Variants in CROT observed in about 807,000 individuals in gnomAD.
CROT encodes carnitine O-octanoyltransferase.
Under a neutral mutation model 89.2 loss-of-function variants are expected in CROT, and 84 were observed. The observed-to-expected ratio is 0.94, with a 90% CI of 0.79 to 1.13. CROT has a LOEUF of 1.13. CROT is among the 50% of genes most tolerant of loss of function. CROT has a pLI of 0.00. For missense variants in CROT, 711 were observed against 727.8 expected (o/e 0.98, Z 0.27); for synonymous variants, 212 against 239.5 (o/e 0.89, Z 1.06).
At chr7:87,369,235 T>C in intron 6 of CROT, 141 bp from the exon 7 acceptor site, 1 of 518,662 alleles carries the variant, frequency 1.9e-6, no homozygotes, top group Non-Finnish European at 3.5e-6. Flanking sequence ...TAATACATTA[T>C]TTTTGTTATG....
chr7:87,354,109 G>A (rs1311233237), intron 3 of CROT, among the ~76,000 whole-genome samples: 2 of 152,186 alleles, frequency 1.3e-5, no homozygotes, highest in Non-Finnish European at 1.5e-5. Flanking sequence ...GATCAAAACA[G>A]AAGCAGAGGT....
chr7:87,368,502 C>A (rs933955504), intron 6 of CROT, among the ~76,000 whole-genome samples: 10 of 152,166 alleles, frequency 6.6e-5, no homozygotes, highest in African/African-American at 2.4e-4. Context: ...TCCCCTAGGT[C>A]TTGAGGAAAT....
At chr7:87,381,857 C>T (rs1319095778) in intron 10 of CROT, 53 bp from the exon 11 acceptor site, 3 of 1,261,364 alleles carry the variant, frequency 2.4e-6, no homozygotes, top group Non-Finnish European at 3.4e-6. Context: ...AATATTGGGT[C>T]AAGTTTTAAG....
At chr7:87,382,260 A>G (rs1807035741) in intron 12 of CROT, 79 bp downstream of exon 12, 1 of 1,425,966 alleles carries the variant, frequency 7.0e-7, no homozygotes. Context: ...CTGTCATCCA[A>G]GCATGTCTGC....
At chr7:87,375,409 T>G in intron 7 of CROT, 1 of 461,454 alleles carries the variant, frequency 2.2e-6, no homozygotes, top group Non-Finnish European at 3.8e-6. Flanking sequence ...ATAACTAAAT[T>G]TATTTACTGA....
intron 17 of CROT, among the ~76,000 whole-genome samples, chr7:87,394,718 G>A (rs1807469292): frequency 6.6e-6 from 1 of 152,068 alleles, no homozygotes; most frequent in Admixed American, 6.6e-5. Context: ...GCTATAAAAA[G>A]GCATACCTAT....
Position 87,359,186 on chromosome 7 carries a change from T to C in CROT, c.116-20T>C. 2 of 1,490,548 alleles carry C rather than the reference T, an allele frequency of 1.3e-6. No homozygotes were observed. Among genetic ancestry groups the C allele is most frequent in the South Asian group, 1.2e-5 (1 of 85,324 alleles). The allele number at this position is 1,490,548 out of a possible 1,614,324, so 92.3% of individuals were successfully genotyped here. A position where few individuals can be genotyped will look rare whatever the true frequency, so the allele number is the denominator to read the frequency against. ...GTGGTACTTGGTCTAAATACCTTAA[T>C]ACGTATTTTTCCTTTCTAGTGAAAC... On this transcript the variant is annotated intron_variant, in intron 3 of 17. Transcript: ENST00000331536.
chr7:87,391,031 A>AG (rs909927745), intron 13 of CROT, among the ~76,000 whole-genome samples: 15 of 152,286 alleles, frequency 9.8e-5, no homozygotes, highest in African/African-American at 3.1e-4. Context: ...TGCTCTCCTG[A>AG]GGGTAGGTCC....
chr7:87,351,308 C>CAAAAAAAAAAAAAAAAAA (rs11295263), intron 3 of CROT, among the ~76,000 whole-genome samples: 1 of 67,526 alleles, frequency 1.5e-5, no homozygotes, highest in Non-Finnish European at 2.7e-5. Flanking sequence ...GACTCCATCT[C>CAAAAAAAAAAAAAAAAAA]AAAAAAAAAA....
Position 87,375,899 on chromosome 7 carries a change from G to A in CROT, c.822G>A (p.Leu274=), listed in dbSNP as rs905632072. The change falls in exon 9 of 18, where the codon CTG becomes CTA. Residue 274 remains leucine, a synonymous_variant. Coordinates refer to ENST00000331536, the MANE Select transcript of CROT (RefSeq NM_021151.4). ...TAGAAAAAATTCAGAGTAGTTTACTGGTATATTCCATGGAGGATAGCAGTC... is the reference window on the plus strand; with the variant it reads ...TAGAAAAAATTCAGAGTAGTTTACTAGTATATTCCATGGAGGATAGCAGTC... ...ALLEKIQSSL[L]VYSMEDSSPH... 16 of 1,613,060 alleles carry A rather than the reference G, an allele frequency of 9.9e-6. No individual in the cohort carries two copies. Among genetic ancestry groups the A allele is most frequent in the Non-Finnish European group, 1.4e-5 (16 of 1,179,328 alleles).
intron 13 of CROT, among the ~76,000 whole-genome samples, chr7:87,386,593 C>A (rs1807190320): frequency 6.6e-6 from 1 of 151,974 alleles, no homozygotes; most frequent in African/African-American, 2.4e-5. Flanking sequence ...TTTATCTTGT[C>A]AAAAAATTGA....
chr7:87,346,272 T>C (rs1041443492), intron 1 of CROT, 68 bp from the exon 2 acceptor site: 3 of 152,280 alleles, frequency 2.0e-5, no homozygotes, highest in African/African-American at 7.2e-5. Flanking sequence ...TTCCACCTTC[T>C]TTCACTAGCT....
rs114840853 is a variant in CROT at position 87,395,399 on chromosome 7, A to G, written c.1718+2332A>G. 6.4e-3 allele frequency among the ~76,000 whole-genome samples: 972 copies of G among 152,330 alleles called. 15 individuals are homozygous for G. Among genetic ancestry groups the G allele is most frequent in the African/African-American group, 0.022 (898 of 41,566 alleles). On this transcript the variant is annotated intron_variant, in intron 17 of 17. Transcript: ENST00000331536. ...TAATCTCCTTTGGCAACACTGTCTCAGACACACCCAGGATCAATACTTTGC... is the reference window on the plus strand; with the variant it reads ...TAATCTCCTTTGGCAACACTGTCTCGGACACACCCAGGATCAATACTTTGC...
rs749535101 is a variant in CROT, at chr7:87,375,867, G to A, written c.790G>A (p.Ala264Thr). The A allele has an allele frequency of 6.2e-7, 1 of 1,613,362 alleles. No homozygotes were observed. Among genetic ancestry groups the A allele is most frequent in the Non-Finnish European group, 8.5e-7 (1 of 1,179,588 alleles). The change falls in exon 9 of 18, where the codon GCT becomes ACT. Residue 264 changes from alanine to threonine, a missense_variant. Ala to Thr is a moderately conservative substitution (Grantham distance 58, BLOSUM62 0). Coordinates refer to ENST00000331536, the MANE Select transcript of CROT (RefSeq NM_021151.4). ...GATTGGTCTTGATCCAGAGAACTTG[G>A]CTTTGTTAGAAAAAATTCAGAGTAG... Reference protein sequence around the residue: ...YLIGLDPENLALLEKIQSSLL... With the variant: ...YLIGLDPENLTLLEKIQSSLL...
rs1807634652 is a variant in CROT, at chr7:87,398,630, T to G, written c.1825T>G (p.Ser609Ala). The G allele has an allele frequency of 6.2e-7, 1 of 1,613,344 alleles. No homozygotes were observed. Among genetic ancestry groups the G allele is most frequent in the African/African-American group, 1.3e-5 (1 of 75,034 alleles). The change falls in exon 18 of 18, where the codon TCT becomes GCT. Residue 609 changes from serine to alanine, a missense_variant. Physicochemically the swap from Ser to Ala is moderately conservative, Grantham distance 99. Coordinates refer to ENST00000331536, the MANE Select transcript of CROT (RefSeq NM_021151.4). ...TCATGATATGATACAGCTGATGAAC[T>G]CTACTCATCTTTAGAGATGAATCAT... is the stretch of plus-strand genomic sequence containing the variant. ...AFHDMIQLMN[S>A]THL is the part of the protein sequence containing the mutation.
At chr7:87,397,702 A>G (rs1668061312) in intron 17 of CROT, among the ~76,000 whole-genome samples, 1 of 152,024 alleles carries the variant, frequency 6.6e-6, no homozygotes, top group Non-Finnish European at 1.5e-5. Context: ...AATATAATCC[A>G]CTCAGACATT....
At chr7:87,372,830 C>A (rs1202226482) in intron 7 of CROT, among the ~76,000 whole-genome samples, 1 of 152,004 alleles carries the variant, frequency 6.6e-6, no homozygotes, top group African/African-American at 2.4e-5. Context: ...TACAGATATG[C>A]CACATTTTAT....
chr7:87,369,455 A>G lies in CROT; in HGVS notation c.627A>G (p.Gly209=). Residue 209 remains glycine (G), a synonymous_variant, in exon 7 of 18, where the codon GGA becomes GGG. Coordinates refer to ENST00000331536, the MANE Select transcript of CROT (RefSeq NM_021151.4). ...TTGTCTTTGATGTAATACATGAAGG[A>G]TGTTTGGTCACCCCGCCAGAGCTTC... is the stretch of plus-strand genomic sequence containing the variant. ...RAFVFDVIHE[G]CLVTPPELLR... 1.2e-6 allele frequency: 2 copies of G among 1,612,652 alleles called. No individual in the cohort carries two copies. Among genetic ancestry groups the G allele is most frequent in the South Asian group, 1.1e-5 (1 of 90,940 alleles).
At chr7:87,381,636 TA>T (rs745927234) in intron 10 of CROT, among the ~76,000 whole-genome samples, 1 of 152,216 alleles carries the variant, frequency 6.6e-6, no homozygotes, top group Non-Finnish European at 1.5e-5. Flanking sequence ...CTAGATTGTT[TA>T]TATGTTATTT....
Sources: allele counts gnomAD v4.1 joint callset (sites outside exome capture counted in the v4.1 genomes callset), GRCh38; gene constraint gnomAD v4.1.1; transcripts MANE v1.5; gene names NCBI Gene and HGNC (gene_info 2026-07-23, HGNC 2026-07-21).